ITGA9: variants seen among roughly 807,000 people sequenced by gnomAD.
ITGA9 encodes integrin subunit alpha 9, also known as integrin alpha-9.
In ITGA9, 56 loss-of-function variants were observed where a neutral mutation model predicts 127.8. The observed-to-expected ratio is 0.44, with a 90% CI of 0.35 to 0.55. ITGA9 has a LOEUF of 0.55. Ranked by LOEUF, ITGA9 falls within the 20% of genes least tolerant of loss-of-function variation. ITGA9 has a pLI of 0.00. For synonymous variants in ITGA9, 508 were observed against 514.5 expected (o/e 0.99, Z 0.17); for missense variants, 1,196 against 1,347.1 (o/e 0.89, Z 1.76).
At chr3:37,583,813 A>G (rs188325816) in intron 15 of ITGA9, among the ~76,000 whole-genome samples, 198 of 152,360 alleles carry the variant, frequency 1.3e-3, no homozygotes, top group Admixed American at 2.4e-3. Flanking sequence ...AAACAAATCA[A>G]GCATCCATTC....
Position 37,629,010 on chromosome 3 carries a change from T to C in ITGA9, c.1690-177T>C, listed in dbSNP as rs1334468645. Among the ~76,000 whole-genome samples the C allele has an allele frequency of 2.6e-5, 4 of 152,150 alleles. No homozygotes were observed. Among genetic ancestry groups the C allele is most frequent in the Non-Finnish European group, 5.9e-5 (4 of 68,024 alleles). On this transcript the variant is annotated intron_variant, in intron 15 of 27. Transcript: ENST00000264741. The surrounding 1 kb of genome is among the most constrained non-coding windows in gnomAD (Gnocchi z 4.5). ...GAATGACCTTGGACAAGACACTAGCTGCCCTAGGCCTCAATTACCTCATTT... is the reference window on the plus strand; with the variant it reads ...GAATGACCTTGGACAAGACACTAGCCGCCCTAGGCCTCAATTACCTCATTT...
intron 1 of ITGA9, among the ~76,000 whole-genome samples, chr3:37,461,657 A>G (rs1698317608): frequency 6.6e-6 from 1 of 152,246 alleles, no homozygotes; most frequent in Non-Finnish European, 1.5e-5. Context: ...GAGATATTCT[A>G]ACATAGACAC....
At chr3:37,779,789 C>A in intron 24 of ITGA9, 113 bp from the exon 25 acceptor site, 1 of 998,222 alleles carries the variant, frequency 1.0e-6, no homozygotes, top group Non-Finnish European at 1.6e-6. Context: ...TGGATTTCCT[C>A]TGCCTGGAAT....
intron 9 of ITGA9, among the ~76,000 whole-genome samples, 177 bp from the exon 10 acceptor site, chr3:37,517,327 C>T (rs796610723): frequency 4.6e-5 from 7 of 152,292 alleles, no homozygotes; most frequent in African/African-American, 1.2e-4. Context: ...GTAAAAGGGA[C>T]GCATTTTGCC....
At chr3:37,724,428 C>T (rs752458302) in intron 18 of ITGA9, among the ~76,000 whole-genome samples, 4 of 152,144 alleles carry the variant, frequency 2.6e-5, no homozygotes, top group South Asian at 4.1e-4. Flanking sequence ...TAGCCTGGAT[C>T]GTATTCAACC....
chr3:37,810,526 C>T (rs1697354483), intron 27 of ITGA9, among the ~76,000 whole-genome samples: 1 of 152,174 alleles, frequency 6.6e-6, no homozygotes, highest in Admixed American at 6.5e-5. Flanking sequence ...AGCAATTCTC[C>T]TGCCTCAGCC....
chr3:37,608,528 C>T (rs1699989522), intron 15 of ITGA9, among the ~76,000 whole-genome samples: 1 of 152,172 alleles, frequency 6.6e-6, no homozygotes, highest in African/African-American at 2.4e-5. Context: ...TTCACTGAAA[C>T]TGTGTGAATC....
chr3:37,758,041 G>C (rs2125541387), intron 23 of ITGA9, among the ~76,000 whole-genome samples: 1 of 151,754 alleles, frequency 6.6e-6, no homozygotes, highest in South Asian at 2.1e-4. Flanking sequence ...TGCAAATTGA[G>C]GGCCGGGCGC....
At chr3:37,542,954 C>A (rs1256791946) in intron 15 of ITGA9, among the ~76,000 whole-genome samples, 1 of 152,038 alleles carries the variant, frequency 6.6e-6, no homozygotes, top group African/African-American at 2.4e-5. Context: ...GATCACACTG[C>A]ACCTGATGCC....
Position 37,542,473 on chromosome 3 carries a change from A to G in ITGA9, c.1577A>G (p.Gln526Arg), listed in dbSNP as rs1553645384. The change falls in exon 15 of 28, where the codon CAG becomes CGG. Residue 526 changes from glutamine to arginine, a missense_variant. By Grantham distance (43) the Gln-to-Arg change is conservative. Transcript: ENST00000264741. ...MADVAKKEKG[Q>R]MPRVYFVLLG... ...GACGTGGCCAAAAAGGAGAAGGGCC[A>G]GATGCCCAGGGTCTACTTTGTGCTG... 8 of 1,613,968 alleles carry G rather than the reference A, an allele frequency of 5.0e-6. No homozygotes were observed. The Admixed American group carries it at 6.7e-5, about 13-fold the overall frequency.
chr3:37,652,692 A>C (rs577827790), intron 16 of ITGA9, among the ~76,000 whole-genome samples: 29 of 152,304 alleles, frequency 1.9e-4, no homozygotes, highest in Non-Finnish European at 1.5e-5. Context: ...TTGGGGAAAA[A>C]ACTCACGAAC....
intron 18 of ITGA9, among the ~76,000 whole-genome samples, chr3:37,691,561 A>G (rs1171153910): frequency 6.6e-6 from 1 of 152,222 alleles, no homozygotes; most frequent in Non-Finnish European, 1.5e-5. Flanking sequence ...GCAGCTAATT[A>G]AAATGTTTTC....
chr3:37,473,136 CAAAAAAAAA>C (rs36109791), intron 2 of ITGA9, among the ~76,000 whole-genome samples: 24 of 70,780 alleles, frequency 3.4e-4, no homozygotes, highest in Non-Finnish European at 4.9e-4. Context: ...GAGACTGTCT[CAAAAAAAAA>C]AAAAAAAAAA....
chr3:37,649,052 C>A (rs554080191), intron 16 of ITGA9, among the ~76,000 whole-genome samples: 1 of 143,608 alleles, frequency 7.0e-6, no homozygotes, highest in Non-Finnish European at 1.5e-5. Context: ...TCCTGGTAAC[C>A]ACCAAGAAAA....
At chr3:37,707,842 G>T (rs35216743) in intron 18 of ITGA9, among the ~76,000 whole-genome samples, 1 of 152,124 alleles carries the variant, frequency 6.6e-6, no homozygotes, top group Non-Finnish European at 1.5e-5. Flanking sequence ...AAAGTGGTGT[G>T]TGGACAGGCA....
chr3:37,659,796 G>T (rs752190486), intron 17 of ITGA9, among the ~76,000 whole-genome samples: 5 of 152,044 alleles, frequency 3.3e-5, no homozygotes, highest in Non-Finnish European at 7.4e-5. Flanking sequence ...TTTTGTGCTA[G>T]TTTTTCCTCA....
rs3044748 is a variant in ITGA9 at position 37,585,796 on chromosome 3, G to GCCCC, written c.1689+43215_1689+43218dup. On this transcript the variant is annotated intron_variant, in intron 15 of 27. Transcript: ENST00000264741. ...GGTTTTCTTAAGCAGGAAGAAGGGG[G>GCCCC]CCCCCCCAATTTTAATTTACTGAAT... 5.8e-3 allele frequency among the ~76,000 whole-genome samples: 885 copies of GCCCC among 151,830 alleles called. 3 individuals carry two copies. Among genetic ancestry groups the GCCCC allele is most frequent in the African/African-American group, 8.0e-3 (330 of 41,464 alleles).
At position 37,683,893 on chromosome 3, in the gene ITGA9, T is replaced by C. The variant is rs1194256785; in HGVS notation, c.1945T>C (p.Leu649=). Residue 649 remains leucine (L), a synonymous_variant, in exon 18 of 28, where the codon TTG becomes CTG. Transcript: ENST00000264741. ...SMDEKTLYLA[L]GAVKNISLNI... ...GGATGAGAAAACCCTGTATCTAGCTTTGGGGGCTGTGAAGAACATCTCCCT... is the reference window on the plus strand; with the variant it reads ...GGATGAGAAAACCCTGTATCTAGCTCTGGGGGCTGTGAAGAACATCTCCCT... 1.9e-6 allele frequency: 3 copies of C among 1,614,080 alleles called. No homozygotes were observed. The highest frequency in any genetic ancestry group is 1.7e-6 in the Non-Finnish European group (2 of 1,180,006).
chr3:37,683,785 C>T, intron 17 of ITGA9, 80 bp from the exon 18 acceptor site: 1 of 1,454,990 alleles, frequency 6.9e-7, no homozygotes, highest in Non-Finnish European at 9.6e-7. Context: ...TTCTGCCCCC[C>T]ACCTTCAACT....
Sources: allele counts gnomAD v4.1 joint callset (sites outside exome capture counted in the v4.1 genomes callset), GRCh38; gene constraint gnomAD v4.1.1; non-coding constraint Gnocchi (gnomAD v3.1); transcripts MANE v1.5; gene names NCBI Gene and HGNC (gene_info 2026-07-23, HGNC 2026-07-21).